The following MAP3K15 variants were observed in gnomAD, a reference collection of about 807,000 sequenced individuals.
MAP3K15 encodes MAPK/ERK kinase kinase 15.
Under a neutral mutation model 99.5 loss-of-function variants are expected in MAP3K15, and 124 were observed. The ratio of observed to expected loss-of-function variants is 1.25; its 90% CI spans 1.08 to 1.45. The LOEUF is 1.45. Ranked by LOEUF, MAP3K15 falls within the 40% of genes most tolerant of loss-of-function variation. The probability of loss-of-function intolerance (pLI) is 0.00; values close to 1 mark genes in which losing one functional copy is unlikely to be tolerated. For synonymous variants in MAP3K15, 494 were observed against 439.6 expected, an observed-to-expected ratio of 1.12 and a Z score of -1.55; for missense variants, 1,242 against 1,079.7, an observed-to-expected ratio of 1.15 and a Z score of -2.11.
chrX:19,432,078 A>T (rs1374395251), intron 6 of MAP3K15, among the ~76,000 whole-genome samples: 1 of 109,517 alleles, frequency 9.1e-6, no homozygotes, highest in Non-Finnish European at 1.9e-5. Flanking sequence ...CAATGTAGCC[A>T]CTGCTTAAGA....
At chrX:19,363,175 G>T (rs771421943) in intron 25 of MAP3K15, among the ~76,000 whole-genome samples, 1 of 112,149 alleles carries the variant, frequency 8.9e-6, no homozygotes, top group Admixed American at 9.5e-5. Context: ...TAACCCACAA[G>T]GTGATGGTGT....
At chrX:19,414,292 TA>T (rs2063715362) in intron 10 of MAP3K15, 1 of 130,869 alleles carries the variant, frequency 7.6e-6, no homozygotes, top group Non-Finnish European at 1.4e-5. Context: ...TCTGCTCCAT[TA>T]TTTTTTTGTA....
Position 19,360,950 on chromosome X carries a change from G to A in MAP3K15, c.3858-117C>T, listed in dbSNP as rs778678656. On this transcript the variant is annotated intron_variant, in intron 28 of 28. Transcript: ENST00000338883. The stretch of plus-strand genomic sequence containing the variant: ...AAAAACATTCTCCTCACATATGGAG[G>A]TGACGCTCGTGTCCCAGCAGTAGTA... 492 of 509,597 alleles carry A rather than the reference G, an allele frequency of 9.7e-4. 2 individuals are homozygous for A. Among genetic ancestry groups the A allele is most frequent in the Non-Finnish European group, 1.2e-3 (370 of 313,642 alleles). 42.0% of individuals were successfully genotyped at this position (509,597 alleles called of 1,213,427 possible). A position where few individuals can be genotyped will look rare whatever the true frequency, so the allele number is the denominator to read the frequency against.
chrX:19,370,259 CAG>C (rs1474639342), intron 24 of MAP3K15, among the ~76,000 whole-genome samples: 52 of 112,406 alleles, frequency 4.6e-4, no homozygotes, highest in African/African-American at 1.7e-3. Context: ...CATGATGATT[CAG>C]AGAGAGGAAT....
intron 7 of MAP3K15, among the ~76,000 whole-genome samples, chrX:19,429,725 G>C (rs1426702309): frequency 1.0e-5 from 1 of 98,839 alleles, no homozygotes; most frequent in Non-Finnish European, 2.0e-5. Flanking sequence ...TGGAGAGAAG[G>C]TGGGGAGGAC....
chrX:19,385,673 C>CT (rs1179721035), intron 18 of MAP3K15, among the ~76,000 whole-genome samples: 1 of 111,496 alleles, frequency 9.0e-6, no homozygotes, highest in Non-Finnish European at 1.9e-5. Context: ...ATTATTCCTA[C>CT]TTTACACAGG....
chrX:19,511,894 A>C (rs1242254898), intron 1 of MAP3K15, among the ~76,000 whole-genome samples: 1 of 112,376 alleles, frequency 8.9e-6, no homozygotes, highest in Non-Finnish European at 1.9e-5. Context: ...CACTATTTAC[A>C]ATAGCAAAGA....
intron 6 of MAP3K15, among the ~76,000 whole-genome samples, chrX:19,432,725 T>TC (rs200377642): frequency 6.4e-5 from 7 of 108,761 alleles, no homozygotes; most frequent in Non-Finnish European, 1.3e-4. Context: ...CTTAACCTTT[T>TC]TTTTTTTTTT....
chrX:19,499,484 T>C (rs774326814), intron 1 of MAP3K15, among the ~76,000 whole-genome samples: 11 of 112,449 alleles, frequency 9.8e-5, no homozygotes, highest in Non-Finnish European at 1.9e-4. Context: ...GACTTGCAAA[T>C]TGCAAATGTT....
intron 13 of MAP3K15, among the ~76,000 whole-genome samples, chrX:19,404,495 A>T (rs2063633580): frequency 8.9e-6 from 1 of 112,114 alleles, no homozygotes; most frequent in Non-Finnish European, 1.9e-5. Context: ...GAAATTGATA[A>T]GCTGATCCTA....
At chrX:19,425,908 C>G (rs897895008) in intron 8 of MAP3K15, among the ~76,000 whole-genome samples, 1 of 111,184 alleles carries the variant, frequency 9.0e-6, no homozygotes, top group Admixed American at 9.6e-5. Flanking sequence ...CACTTGAGGT[C>G]AAGAGTTCGA....
At chrX:19,467,545 G>C (rs889882340) in intron 3 of MAP3K15, among the ~76,000 whole-genome samples, 2 of 110,323 alleles carry the variant, frequency 1.8e-5, no homozygotes, top group African/African-American at 6.6e-5. Context: ...GAGGTGGATG[G>C]ATCACAAGGA....
intron 18 of MAP3K15, among the ~76,000 whole-genome samples, chrX:19,385,855 T>C: frequency 8.9e-6 from 1 of 111,873 alleles, no homozygotes. Flanking sequence ...TGTAAGGATT[T>C]CCAAAGCCAT....
chrX:19,397,545 G>T (rs1263579645), intron 15 of MAP3K15, among the ~76,000 whole-genome samples: 1 of 109,789 alleles, frequency 9.1e-6, no homozygotes, highest in Admixed American at 9.7e-5. Flanking sequence ...AGCCCAGGAG[G>T]TGGAGACTGC....
intron 4 of MAP3K15, among the ~76,000 whole-genome samples, chrX:19,462,720 T>A (rs1002142727): frequency 8.1e-5 from 9 of 111,669 alleles, no homozygotes; most frequent in Non-Finnish European, 1.7e-4. Context: ...GGAAATGGCT[T>A]CCAAGCCATT....
In MAP3K15 at chrX:19,490,134, G is replaced by A. The variant is rs181814720; in HGVS notation, c.362-1167C>T. On this transcript the variant is annotated intron_variant, in intron 1 of 28. Transcript: ENST00000338883. ...AGACAATACGTACAGGCATGTATAG[G>A]CATTATACACACACACACACACACA... 7.7e-3 allele frequency among the ~76,000 whole-genome samples: 666 copies of A among 85,940 alleles called. 1 individual carries two copies. The highest frequency in any genetic ancestry group is 0.012 in the Non-Finnish European group (560 of 45,422). The allele number at this position is 85,940 out of a possible 115,157, so 74.6% of individuals were successfully genotyped here.
At chrX:19,507,858 T>G (rs766372207) in intron 1 of MAP3K15, among the ~76,000 whole-genome samples, 4 of 110,960 alleles carry the variant, frequency 3.6e-5, no homozygotes, top group African/African-American at 1.3e-4. Flanking sequence ...GAGATGCATA[T>G]TGGTTTCTAG....
intron 1 of MAP3K15, among the ~76,000 whole-genome samples, chrX:19,499,365 G>A (rs2064427000): frequency 8.9e-6 from 1 of 112,093 alleles, no homozygotes; most frequent in African/African-American, 3.2e-5. Flanking sequence ...AAAAAGGGTT[G>A]GAAGTTTCTG....
chrX:19,466,314 T>C (rs1012832730), intron 3 of MAP3K15, among the ~76,000 whole-genome samples: 1 of 111,862 alleles, frequency 8.9e-6, no homozygotes, highest in East Asian at 2.8e-4. Context: ...CCTACCCAAA[T>C]CTCATCTTGA....
Sources: allele counts gnomAD v4.1 joint callset (sites outside exome capture counted in the v4.1 genomes callset), GRCh38; gene constraint gnomAD v4.1.1; transcripts MANE v1.5; gene names NCBI Gene and HGNC (gene_info 2026-07-23, HGNC 2026-07-21).